The following TEX52 variants were observed in gnomAD, a reference collection of about 807,000 sequenced individuals.
The protein encoded by TEX52 is testis expressed 52, also known as testis-expressed protein 52.
A neutral mutation model predicts 17.6 loss-of-function variants in TEX52; 22 were observed. The ratio of observed to expected loss-of-function variants is 1.25; its 90% CI spans 0.89 to 1.78. TEX52 has a LOEUF of 1.78. TEX52 is among the 40% of genes most tolerant of loss of function. The pLI is 0.00. For missense variants in TEX52, 396 were observed against 372.3 expected, an observed-to-expected ratio of 1.06 and a Z score of -0.52; for synonymous variants, 168 against 147.4, an observed-to-expected ratio of 1.14 and a Z score of -1.01.
At position 2,855,291 on chromosome 12, in the gene TEX52, C is replaced by G; in HGVS notation, c.228G>C (p.Lys76Asn). 6.6e-7 allele frequency: 1 copy of G among 1,524,152 alleles called. No homozygotes were observed. Among genetic ancestry groups the G allele is most frequent in the Non-Finnish European group, 8.8e-7 (1 of 1,137,514 alleles). 94.4% of individuals were successfully genotyped at this position (1,524,152 alleles called of 1,614,324 possible). Residue 76 changes from lysine to asparagine, a missense_variant, in exon 2 of 3, where the codon AAG becomes AAC. By Grantham distance (94) the Lys-to-Asn change is moderately conservative. Coordinates refer to ENST00000637658, the MANE Select transcript of TEX52 (RefSeq NM_001365174.2). ...KLPPCTDMKS[K>N]VRQRLIHPWK... is the part of the protein sequence containing the mutation. ...AAGGGTGGATGAGCCGCTGACGCAC[C>G]TTGGACTTCATATCTGTGCAGGGCG...
chr12:2,848,307 C>T (rs752648339), downstream of TEX52, among the ~76,000 whole-genome samples: 4 of 152,134 alleles, frequency 2.6e-5, no homozygotes, highest in Non-Finnish European at 5.9e-5. Context: ...ATTTCAGCTT[C>T]TTCCCCTCCA....
At position 2,855,102 on chromosome 12, in the gene TEX52, G is replaced by A. The variant is rs1028333648; in HGVS notation, c.417C>T (p.Ile139=). 21 of 1,535,484 alleles carry A rather than the reference G, an allele frequency of 1.4e-5. No homozygotes were observed. Among genetic ancestry groups the A allele is most frequent in the Admixed American group, 2.0e-5 (1 of 50,962 alleles). The change falls in exon 2 of 3, where the codon ATC becomes ATT. Residue 139 remains isoleucine (I), a synonymous_variant. Coordinates refer to ENST00000637658, the MANE Select transcript of TEX52 (RefSeq NM_001365174.2). The part of the protein sequence containing the change: ...AHRCPPTEHP[I]PPPSWMGQNS... Reference sequence around the variant, plus strand: ...TTTGCCCCATCCAGGAGGGAGGGGGGATGGGGTGCTCCGTGGGGGGGCATC... The same window carrying A: ...TTTGCCCCATCCAGGAGGGAGGGGGAATGGGGTGCTCCGTGGGGGGGCATC...
downstream of TEX52, among the ~76,000 whole-genome samples, chr12:2,848,334 C>T (rs1230056094): frequency 1.3e-5 from 2 of 152,166 alleles, no homozygotes; most frequent in African/African-American, 4.8e-5. Context: ...TTCCCATCAC[C>T]CTCCCCAACC....
downstream of TEX52, among the ~76,000 whole-genome samples, chr12:2,848,393 G>A (rs1406675203): frequency 6.6e-6 from 1 of 152,162 alleles, no homozygotes; most frequent in Non-Finnish European, 1.5e-5. Flanking sequence ...TGCTTTGCCT[G>A]CCTCTACTTT....
rs1333337861 is a variant in TEX52, at chr12:2,849,477, C to T, written c.672G>A (p.Gln224=). The T allele has an allele frequency of 6.5e-7, 1 of 1,536,030 alleles. No individual in the cohort carries two copies. The highest frequency in any genetic ancestry group is 2.4e-5 in the East Asian group (1 of 40,928). Residue 224 remains glutamine (Q), a synonymous_variant, in exon 3 of 3, where the codon CAG becomes CAA. Transcript: ENST00000637658. ...AGGRFEPQGL[Q]LMPNPFPNNF... ...TATTGGGAAACGGGTTGGGCATGAG[C>T]TGGAGGCCCTGGGGTTCAAACCTCC...
At position 2,850,398 on chromosome 12, in the gene TEX52, C is replaced by T. The variant is rs1287314406; in HGVS notation, c.624-873G>A. ...CTGAGGCAGGAGAATCACTTGAACC[C>T]GGGAGGAGGAGGTTGCAAGCAGTGA... On this transcript the variant is annotated intron_variant, in intron 2 of 2. Transcript: ENST00000637658. Among the ~76,000 whole-genome samples, 8 of 145,852 alleles carry T rather than the reference C, an allele frequency of 5.5e-5. No individual in the cohort carries two copies. In the East Asian group the frequency reaches 6.5e-4, roughly 12 times the overall value.
chr12:2,852,706 T>C (rs1227856940), intron 2 of TEX52, among the ~76,000 whole-genome samples: 2 of 151,854 alleles, frequency 1.3e-5, no homozygotes, highest in Middle Eastern at 3.2e-3. Flanking sequence ...AGCCCACCTG[T>C]AAAATGGGGT....
At chr12:2,848,866 G>GACACACGCACACACAC (rs760263659), downstream of TEX52, among the ~76,000 whole-genome samples, 2 of 115,766 alleles carry the variant, frequency 1.7e-5, no homozygotes, top group African/African-American at 6.9e-5. Context: ...CACCCCAACA[G>GACACACGCACACACAC]ACACACACAC....
chr12:2,854,818 G>C (rs1287497686), intron 2 of TEX52, 78 bp downstream of exon 2: 2 of 1,403,648 alleles, frequency 1.4e-6, no homozygotes, highest in South Asian at 1.4e-5. Context: ...GTCCCGGTTA[G>C]AAACAGGAAC....
At chr12:2,854,624 A>G (rs2098081433) in intron 2 of TEX52, among the ~76,000 whole-genome samples, 1 of 152,208 alleles carries the variant, frequency 6.6e-6, no homozygotes, top group Non-Finnish European at 1.5e-5. Context: ...CCTTGAGGGC[A>G]GGCACTGAGT....
intron 2 of TEX52, among the ~76,000 whole-genome samples, chr12:2,854,424 G>A (rs531952503): frequency 2.0e-5 from 3 of 152,356 alleles, no homozygotes; most frequent in East Asian, 1.9e-4. Flanking sequence ...TCATCGGTGA[G>A]GGAGCTGAGG....
rs1471177808 is a variant in TEX52 at position 2,855,428 on chromosome 12, ACT to A, written c.89_90del (p.Glu30ValfsTer12). On this transcript the variant is annotated frameshift_variant, in exon 2 of 3. Coordinates refer to ENST00000637658, the MANE Select transcript of TEX52 (RefSeq NM_001365174.2). LOFTEE classifies it high-confidence loss of function. Reference sequence around the variant, plus strand: ...GCCCACGTTTGGGAGGGTGGGAGGGACTCGCTGGCCTGGACCATCTAGGGAGA... The same window carrying A: ...GCCCACGTTTGGGAGGGTGGGAGGGACGCTGGCCTGGACCATCTAGGGAGA... ...EPFLQMVQAS[E>X]SLPPSQTWAQ... 2.7e-6 allele frequency: 4 copies of A among 1,467,322 alleles called. No individual in the cohort carries two copies. The African/African-American group carries it at 5.6e-5, about 21-fold the overall frequency. The allele number at this position is 1,467,322 out of a possible 1,614,324, so 90.9% of individuals were successfully genotyped here. A position where few individuals can be genotyped will look rare whatever the true frequency, so the allele number is the denominator to read the frequency against.
chr12:2,848,726 G>T (rs1006189200), downstream of TEX52, among the ~76,000 whole-genome samples: 2 of 152,144 alleles, frequency 1.3e-5, no homozygotes, highest in South Asian at 4.2e-4. Flanking sequence ...GTCCAGGGAG[G>T]GGGTGGCATT....
rs904038986 is a variant in TEX52 at position 2,849,614 on chromosome 12, G to A, written c.624-89C>T. 87 of 1,415,932 alleles carry A rather than the reference G, an allele frequency of 6.1e-5. 1 individual carries two copies. The highest frequency in any genetic ancestry group is 2.3e-4 in the Middle Eastern group (1 of 4,316). The allele number at this position is 1,415,932 out of a possible 1,614,324, so 87.7% of individuals were successfully genotyped here. A position where few individuals can be genotyped will look rare whatever the true frequency, so the allele number is the denominator to read the frequency against. On this transcript the variant is annotated intron_variant, in intron 2 of 2. Transcript: ENST00000637658. ...GACGGGGAAGGGGAAGGGTGATGCC[G>A]CTGTCCACAAGCTAGTTAGCCATCA...
At chr12:2,854,768 A>AT in intron 2 of TEX52, 128 bp downstream of exon 2, 1 of 958,724 alleles carries the variant, frequency 1.0e-6, no homozygotes, top group Non-Finnish European at 1.5e-6. Context: ...CACTCAGAAA[A>AT]GAGTTTGGTT....
chr12:2,851,492 G>A (rs952156308), intron 2 of TEX52, among the ~76,000 whole-genome samples: 4 of 151,702 alleles, frequency 2.6e-5, no homozygotes, highest in Non-Finnish European at 5.9e-5. Flanking sequence ...ACAGGGCCCC[G>A]CCACCATGCC....
In TEX52 at chr12:2,855,214, C is replaced by T; in HGVS notation, c.305G>A (p.Cys102Tyr). ...TWGFHTWLDV[C>Y]RLPATFPTQP... is the part of the protein sequence containing the mutation. The stretch of plus-strand genomic sequence containing the variant: ...GGTGGGGAAGGTGGCAGGCAGACGG[C>T]ACACATCGAGCCACGTGTGAAAGCC... The change falls in exon 2 of 3, where the codon TGC becomes TAC. Residue 102 changes from cysteine (C) to tyrosine (Y), a missense_variant. Cys to Tyr is a radical substitution (Grantham distance 194). Coordinates refer to ENST00000637658, the MANE Select transcript of TEX52 (RefSeq NM_001365174.2). 1 of 1,505,822 alleles carries T rather than the reference C, an allele frequency of 6.6e-7. No individual in the cohort carries two copies. The allele number at this position is 1,505,822 out of a possible 1,614,324, so 93.3% of individuals were successfully genotyped here.
chr12:2,855,098 G>T lies in TEX52; in HGVS notation c.421C>A (p.Pro141Thr). ...CTGTTTTGCCCCATCCAGGAGGGAG[G>T]GGGGATGGGGTGCTCCGTGGGGGGG... Reference protein sequence around the residue: ...RCPPTEHPIPPPSWMGQNSFL... With the variant: ...RCPPTEHPIPTPSWMGQNSFL... The change falls in exon 2 of 3, where the codon CCT (proline) becomes ACT (threonine). Residue 141 changes from proline (P) to threonine (T), a missense_variant. By Grantham distance (38) the Pro-to-Thr change is conservative (BLOSUM62 -1). Coordinates refer to ENST00000637658, the MANE Select transcript of TEX52 (RefSeq NM_001365174.2). The T allele has an allele frequency of 1.3e-6, 2 of 1,535,750 alleles. No individual in the cohort carries two copies. Among genetic ancestry groups the T allele is most frequent in the Non-Finnish European group, 1.7e-6 (2 of 1,146,656 alleles).
intron 2 of TEX52, among the ~76,000 whole-genome samples, chr12:2,850,919 G>A (rs1603489090): frequency 6.7e-6 from 1 of 150,338 alleles, no homozygotes; most frequent in Non-Finnish European, 1.5e-5. Context: ...TGATTCGCCC[G>A]CCTTGGCCTC....
Sources: gnomAD v4.1 joint callset for allele counts (sites outside exome capture counted in the v4.1 genomes callset) on GRCh38, gnomAD v4.1.1 for gene constraint, MANE v1.5 for transcripts, NCBI Gene and HGNC (gene_info 2026-07-23, HGNC 2026-07-21) for gene names.